The following CRIM1 variants were observed in gnomAD, a reference collection of about 807,000 sequenced individuals.
CRIM1 encodes cysteine-rich motor neuron 1 protein.
A neutral mutation model predicts 116.4 loss-of-function variants in CRIM1; 32 were observed. The observed-to-expected ratio is 0.27, with a 90% CI of 0.21 to 0.37. The LOEUF (loss-of-function observed/expected upper bound fraction) is 0.37. Ranked by LOEUF, CRIM1 falls within the 10% of genes least tolerant of loss-of-function variation. The probability of loss-of-function intolerance (pLI) is 1.00; values close to 1 mark genes in which losing one functional copy is unlikely to be tolerated. For missense variants in CRIM1, 1,331 were observed against 1,354.8 expected, an observed-to-expected ratio of 0.98 and a Z score of 0.28; for synonymous variants, 590 against 509.2, an observed-to-expected ratio of 1.16 and a Z score of -2.13.
chr2:36,472,237 G>C (rs1678584605), intron 5 of CRIM1, among the ~76,000 whole-genome samples: 1 of 152,040 alleles, frequency 6.6e-6, no homozygotes, highest in African/African-American at 2.4e-5. Flanking sequence ...TGGAGATTGT[G>C]GCAATCTCCA....
chr2:36,429,175 C>T (rs569462551), intron 2 of CRIM1, among the ~76,000 whole-genome samples: 5 of 152,332 alleles, frequency 3.3e-5, no homozygotes, highest in African/African-American at 1.2e-4. Flanking sequence ...TTTCATGACA[C>T]TCTTATTGCA....
chr2:36,404,798 T>G (rs1266031437), intron 2 of CRIM1, among the ~76,000 whole-genome samples: 1 of 152,234 alleles, frequency 6.6e-6, no homozygotes, highest in Non-Finnish European at 1.5e-5. Flanking sequence ...TTTCTTTTCA[T>G]TTTTAAAAGC....
At chr2:36,370,727 C>G (rs1395566912) in intron 1 of CRIM1, among the ~76,000 whole-genome samples, 1 of 151,896 alleles carries the variant, frequency 6.6e-6, no homozygotes, top group East Asian at 1.9e-4. Context: ...GTATTAGGAG[C>G]TAAAAAGAGA....
intron 1 of CRIM1, among the ~76,000 whole-genome samples, chr2:36,388,710 T>A (rs1366349819): frequency 1.3e-5 from 2 of 152,162 alleles, no homozygotes; most frequent in East Asian, 3.9e-4. Flanking sequence ...GGCAGAACTG[T>A]GAAGTAGGAG....
chr2:36,544,428 A>G lies in CRIM1; in HGVS notation c.2676A>G (p.Arg892=), dbSNP rs765796686. ...TNIPIEKTNH[R]GEVDLEVPLW... ...TACCCATTGAGAAGACAAACCATCG[A>G]GGAGAGGTTGACCTGGAGGTTCCCC... Residue 892 remains arginine (R), a synonymous_variant, in exon 15 of 17, where the codon CGA becomes CGG. Coordinates refer to ENST00000280527, the MANE Select transcript of CRIM1 (RefSeq NM_016441.3). 17 of 1,431,448 alleles carry G rather than the reference A, an allele frequency of 1.2e-5. No homozygotes were observed. The highest frequency in any genetic ancestry group is 7.5e-5 in the Admixed American group (3 of 39,996). 88.7% of individuals were successfully genotyped at this position (1,431,448 alleles called of 1,614,324 possible). A position where few individuals can be genotyped will look rare whatever the true frequency, so the allele number is the denominator to read the frequency against.
intron 2 of CRIM1, among the ~76,000 whole-genome samples, chr2:36,412,284 A>AGGGG (rs1673270593): frequency 1.4e-5 from 2 of 147,928 alleles, no homozygotes; most frequent in African/African-American, 5.0e-5. Context: ...ATGGGGGCGC[A>AGGGG]GGGGGTGGGG....
At chr2:36,442,281 A>C (rs1000774983) in intron 3 of CRIM1, among the ~76,000 whole-genome samples, 3 of 151,730 alleles carry the variant, frequency 2.0e-5, no homozygotes, top group Non-Finnish European at 4.4e-5. Flanking sequence ...AAACGCTCCA[A>C]GCAAAGTGAT....
chr2:36,505,918 G>A (rs1015290615), intron 8 of CRIM1, among the ~76,000 whole-genome samples: 1 of 152,122 alleles, frequency 6.6e-6, no homozygotes, highest in Non-Finnish European at 1.5e-5. Flanking sequence ...CTCACTGAAC[G>A]CTGTTGTCCT....
At position 36,477,082 on chromosome 2, in the gene CRIM1, G is replaced by T; in HGVS notation, c.1174+11G>T. The T allele has an allele frequency of 6.3e-7, 1 of 1,597,300 alleles. No homozygotes were observed. The highest frequency in any genetic ancestry group is 8.5e-7 in the Non-Finnish European group (1 of 1,171,782). ...GCCCAGTGTGTGAAGGTAAGAAAAG[G>T]TGCTAATTACAGATTAACAGGAGCA... is the stretch of plus-strand genomic sequence containing the variant. On this transcript the variant is annotated intron_variant, in intron 6 of 16. Coordinates refer to ENST00000280527, the MANE Select transcript of CRIM1 (RefSeq NM_016441.3).
chr2:36,390,319 A>G (rs927246981), intron 1 of CRIM1, among the ~76,000 whole-genome samples: 2 of 152,222 alleles, frequency 1.3e-5, no homozygotes, highest in African/African-American at 2.4e-5. Context: ...CTCAAGACCT[A>G]TGCATCTGTG....
At chr2:36,528,790 G>T (rs1340273909) in intron 13 of CRIM1, among the ~76,000 whole-genome samples, 2 of 152,168 alleles carry the variant, frequency 1.3e-5, no homozygotes, top group East Asian at 3.9e-4. Flanking sequence ...AAACATTCTG[G>T]TTGTCGTGCA....
intron 14 of CRIM1, among the ~76,000 whole-genome samples, chr2:36,538,130 G>A (rs1666685167): frequency 6.6e-6 from 1 of 152,030 alleles, no homozygotes; most frequent in African/African-American, 2.4e-5. Flanking sequence ...GAATCCCCAT[G>A]CCTACATCTT....
chr2:36,517,180 T>G, intron 11 of CRIM1, 147 bp from the exon 12 acceptor site: 1 of 643,020 alleles, frequency 1.6e-6, no homozygotes, highest in South Asian at 2.0e-5. Flanking sequence ...GCATGGAATA[T>G]TTTCTTCACT....
chr2:36,436,278 G>A (rs1052390247), intron 2 of CRIM1, among the ~76,000 whole-genome samples: 10 of 152,208 alleles, frequency 6.6e-5, no homozygotes, highest in South Asian at 4.2e-4. Flanking sequence ...TGACTAGTTC[G>A]GGGCAGAGGA....
intron 2 of CRIM1, among the ~76,000 whole-genome samples, chr2:36,420,498 C>T (rs1404459244): frequency 1.3e-5 from 2 of 152,108 alleles, no homozygotes; most frequent in East Asian, 3.9e-4. Flanking sequence ...TAATGATCAC[C>T]AGCGTTGTCC....
chr2:36,466,922 C>T (rs1572801579), intron 5 of CRIM1, among the ~76,000 whole-genome samples: 1 of 152,148 alleles, frequency 6.6e-6, no homozygotes, highest in Non-Finnish European at 1.5e-5. Context: ...TTCTTCTCTC[C>T]TTGCTTCTTG....
chr2:36,514,912 A>G (rs1269165445), intron 11 of CRIM1, among the ~76,000 whole-genome samples: 2 of 152,220 alleles, frequency 1.3e-5, no homozygotes, highest in Non-Finnish European at 2.9e-5. Context: ...AAACGAGATT[A>G]CAATGCAGAA....
chr2:36,399,259 A>G (rs1237976342), intron 2 of CRIM1, among the ~76,000 whole-genome samples: 1 of 152,250 alleles, frequency 6.6e-6, no homozygotes, highest in Non-Finnish European at 1.5e-5. Flanking sequence ...AGAATCAGAA[A>G]GAAGATGGTG....
At chr2:36,496,153 T>G (rs1403206008) in intron 7 of CRIM1, among the ~76,000 whole-genome samples, 1 of 152,174 alleles carries the variant, frequency 6.6e-6, no homozygotes, top group African/African-American at 2.4e-5. Flanking sequence ...GAAAAAAACT[T>G]TAAAATTTGT....
Sources: gnomAD v4.1 joint callset for allele counts (sites outside exome capture counted in the v4.1 genomes callset) on GRCh38, gnomAD v4.1.1 for gene constraint, MANE v1.5 for transcripts, NCBI Gene and HGNC (gene_info 2026-07-23, HGNC 2026-07-21) for gene names.